PDK3: variants seen among roughly 807,000 people sequenced by gnomAD.
PDK3 encodes pyruvate dehydrogenase kinase, isozyme 3.
Under a neutral mutation model 32.0 loss-of-function variants are expected in PDK3, and 12 were observed. That is an observed-to-expected ratio of 0.37 (90% confidence interval 0.24 to 0.61). PDK3 has a LOEUF of 0.61. Ranked by LOEUF, PDK3 falls within the 20% of genes least tolerant of loss-of-function variation. The pLI is 0.65. For synonymous variants in PDK3, 122 were observed against 116.3 expected, an observed-to-expected ratio of 1.05 and a Z score of -0.31; for missense variants, 188 against 316.9, an observed-to-expected ratio of 0.59 and a Z score of 3.09.
chrX:24,538,162 TTTTAAACTAAGG>T (rs1922818804), downstream of PDK3, among the ~76,000 whole-genome samples: 1 of 112,476 alleles, frequency 8.9e-6, no homozygotes, highest in Non-Finnish European at 1.9e-5. Flanking sequence ...TAAAGGCAAT[TTTTAAACTAAGG>T]TTTAAACTAA....
In PDK3 at chrX:24,489,696, A is replaced by G. The variant is rs781465121; in HGVS notation, c.107-5046A>G. Among the ~76,000 whole-genome samples the G allele has an allele frequency of 7.5e-3, 817 of 109,069 alleles. 14 individuals are homozygous for G. The highest frequency in any genetic ancestry group is 0.049 in the Admixed American group (491 of 10,051). The allele number at this position is 109,069 out of a possible 115,157, so 94.7% of individuals were successfully genotyped here. ...TGGGACTCTGTCTCAAAAAAAAAAA[A>G]AAAAAAGAAAAAAAAAGAAATCAAC... is the stretch of plus-strand genomic sequence containing the variant. On this transcript the variant is annotated intron_variant, in intron 1 of 10. Transcript: ENST00000379162.
At chrX:24,509,554 C>T (rs1210625225) in intron 5 of PDK3, among the ~76,000 whole-genome samples, 1 of 110,762 alleles carries the variant, frequency 9.0e-6, no homozygotes, top group Non-Finnish European at 1.9e-5. Context: ...ACAAATCCCA[C>T]CTCCACACTC....
chrX:24,494,708 A>G (rs1488138785), intron 1 of PDK3, 34 bp from the exon 2 acceptor site: 29 of 1,114,425 alleles, frequency 2.6e-5, no homozygotes, highest in Non-Finnish European at 3.4e-5. Context: ...CTGTTAGACT[A>G]TAAAATCATG....
intron 1 of PDK3, among the ~76,000 whole-genome samples, chrX:24,482,134 T>A (rs1921276736): frequency 8.9e-6 from 1 of 112,321 alleles, no homozygotes; most frequent in Non-Finnish European, 1.9e-5. Context: ...AGTCTAAAGC[T>A]TAGATAGTTT....
At chrX:24,534,813 C>T (rs1922735509), downstream of PDK3, among the ~76,000 whole-genome samples, 1 of 111,608 alleles carries the variant, frequency 9.0e-6, no homozygotes, top group Non-Finnish European at 1.9e-5. Context: ...TAAAATTAGC[C>T]GTGTGTGGTG....
intron 6 of PDK3, among the ~76,000 whole-genome samples, chrX:24,521,946 T>C (rs1461179901): frequency 8.9e-6 from 1 of 111,739 alleles, no homozygotes; most frequent in Admixed American, 9.5e-5. Context: ...AGCTCTCTTG[T>C]GAGCATGATT....
At chrX:24,487,918 C>G (rs1186102546) in intron 1 of PDK3, among the ~76,000 whole-genome samples, 1 of 103,094 alleles carries the variant, frequency 9.7e-6, no homozygotes, top group Non-Finnish European at 1.9e-5. Flanking sequence ...TACTATCAAT[C>G]ACTTGAACCT....
chrX:24,492,423 T>C lies in PDK3; in HGVS notation c.107-2319T>C, dbSNP rs754149347. Among the ~76,000 whole-genome samples, 3 of 110,036 alleles carry C rather than the reference T, an allele frequency of 2.7e-5. No homozygotes were observed. The South Asian group carries it at 1.2e-3, about 43-fold the overall frequency. ...GGCCAACATGATGAAACCCTATCTCTACTGAAAACACAAAAATTAGCCAAG... is the reference window on the plus strand; with the variant it reads ...GGCCAACATGATGAAACCCTATCTCCACTGAAAACACAAAAATTAGCCAAG... On this transcript the variant is annotated intron_variant, in intron 1 of 10. Coordinates refer to ENST00000379162, the MANE Select transcript of PDK3 (RefSeq NM_005391.5).
intron 5 of PDK3, among the ~76,000 whole-genome samples, chrX:24,518,668 A>G (rs1224760733): frequency 2.7e-5 from 3 of 112,140 alleles, no homozygotes; most frequent in African/African-American, 9.7e-5. Context: ...TAGGCGATAG[A>G]GTGAGACGCT....
At chrX:24,498,259 T>C (rs912507159) in intron 2 of PDK3, among the ~76,000 whole-genome samples, 53 of 111,733 alleles carry the variant, frequency 4.7e-4, no homozygotes, top group African/African-American at 1.7e-3. Context: ...CAACCGAACC[T>C]GGCTCATGTC....
chrX:24,476,740 C>T (rs759393277), intron 1 of PDK3, among the ~76,000 whole-genome samples: 6 of 112,132 alleles, frequency 5.4e-5, no homozygotes, highest in East Asian at 2.8e-4. Context: ...TTGCACACTG[C>T]GGGTTTTGAC....
intron 1 of PDK3, among the ~76,000 whole-genome samples, chrX:24,475,556 A>G (rs1236265395): frequency 1.8e-5 from 2 of 110,100 alleles, no homozygotes; most frequent in African/African-American, 3.3e-5. Context: ...CTACATGGGA[A>G]GCTGAGATGG....
Position 24,465,507 on chromosome X carries a change from C to A in PDK3, c.52C>A (p.Arg18Ser), listed in dbSNP as rs894111987. Residue 18 changes from arginine to serine, a missense_variant, in exon 1 of 11, where the codon CGC becomes AGC. Arg to Ser is a moderately radical substitution (Grantham distance 110). Transcript: ENST00000379162. ...GCAGCCGGTGCCCAAGCAGATCGAG[C>A]GCTACTCGCGCTTTTCGCCGTCGCC... is the stretch of plus-strand genomic sequence containing the variant. ...LKQPVPKQIE[R>S]YSRFSPSPLS... 8.3e-7 allele frequency: 1 copy of A among 1,209,145 alleles called. No homozygotes were observed. The highest frequency in any genetic ancestry group is 3.0e-5 in the East Asian group (1 of 33,783).
rs1320984152 is a variant in PDK3 at position 24,494,867 on chromosome X, G to A, written c.232G>A (p.Gly78Arg). 2 of 1,206,993 alleles carry A rather than the reference G, an allele frequency of 1.7e-6. No homozygotes were observed. The highest frequency in any genetic ancestry group is 2.2e-6 in the Non-Finnish European group (2 of 892,288). ...PDNLLNRPSVGLVQSWYMQSF... is the reference protein window; with the variant it reads ...PDNLLNRPSVRLVQSWYMQSF... ...TAATTTACTTAACCGCCCTTCAGTG[G>A]GATTGGTTCAGAGTTGGTAAGTAAA... The change falls in exon 2 of 11, where the codon GGA becomes AGA. Residue 78 changes from glycine to arginine, a missense_variant. Coordinates refer to ENST00000379162, the MANE Select transcript of PDK3 (RefSeq NM_005391.5).
intron 4 of PDK3, among the ~76,000 whole-genome samples, 161 bp downstream of exon 4, chrX:24,503,672 A>G (rs1289646574): frequency 8.9e-6 from 1 of 111,816 alleles, no homozygotes; most frequent in Non-Finnish European, 1.9e-5. Flanking sequence ...AAAGCTATTA[A>G]TTTGTATTCT....
chrX:24,482,797 G>A (rs1050312951), intron 1 of PDK3, among the ~76,000 whole-genome samples: 3 of 112,326 alleles, frequency 2.7e-5, no homozygotes, highest in East Asian at 2.8e-4. Context: ...TTGTACTCCA[G>A]TCTTAATTTC....
chrX:24,471,857 A>T (rs1406363384), intron 1 of PDK3, among the ~76,000 whole-genome samples: 1 of 112,064 alleles, frequency 8.9e-6, no homozygotes, highest in Non-Finnish European at 1.9e-5. Flanking sequence ...TTTGACATTG[A>T]GATCTAGTTC....
At chrX:24,529,772 A>G (rs968800497) in intron 9 of PDK3, among the ~76,000 whole-genome samples, 2 of 110,927 alleles carry the variant, frequency 1.8e-5, no homozygotes, top group African/African-American at 6.5e-5. Context: ...AAAAAAAAAA[A>G]AAAGAAAAGA....
At chrX:24,536,909 A>C (rs934337065), downstream of PDK3, among the ~76,000 whole-genome samples, 1 of 111,116 alleles carries the variant, frequency 9.0e-6, no homozygotes, top group Non-Finnish European at 1.9e-5. Context: ...TGCATGTAAC[A>C]GTCATTTTCC....
Sources: gnomAD v4.1 joint callset for allele counts (sites outside exome capture counted in the v4.1 genomes callset) on GRCh38, gnomAD v4.1.1 for gene constraint, MANE v1.5 for transcripts, NCBI Gene and HGNC (gene_info 2026-07-23, HGNC 2026-07-21) for gene names.